Variants in ADAMTSL3 observed in about 807,000 individuals in gnomAD.
ADAMTSL3 encodes ADAMTS like 3, also known as ADAMTS-like protein 3.
ADAMTSL3 carries 128 observed loss-of-function variants against 201.7 expected under a neutral mutation model. The ratio of observed to expected loss-of-function variants is 0.63; its 90% CI spans 0.55 to 0.73. The LOEUF (loss-of-function observed/expected upper bound fraction) is 0.73. Among genes scored for constraint, ADAMTSL3 ranks in the 30% least tolerant of loss-of-function variants. The probability of loss-of-function intolerance (pLI) is 0.00; values close to 1 mark genes in which losing one functional copy is unlikely to be tolerated. For synonymous variants in ADAMTSL3, 738 were observed against 748.4 expected (o/e 0.99, Z 0.23); for missense variants, 1,990 against 2,119.6 (o/e 0.94, Z 1.20).
chr15:83,761,080 T>C (rs28539430), intron 3 of ADAMTSL3, among the ~76,000 whole-genome samples: 7,801 of 152,232 alleles, frequency 0.051, 618 homozygotes, highest in African/African-American at 0.18. Flanking sequence ...ATGTGTTTTC[T>C]TATTATATCT....
At chr15:83,835,492 G>T (rs186055227) in intron 6 of ADAMTSL3, among the ~76,000 whole-genome samples, 1 of 152,196 alleles carries the variant, frequency 6.6e-6, no homozygotes, top group East Asian at 1.9e-4. Context: ...CTGAGATCTT[G>T]CAAGGCCTTA....
At chr15:84,033,040 T>C (rs1452178671) in intron 28 of ADAMTSL3, among the ~76,000 whole-genome samples, 2 of 152,216 alleles carry the variant, frequency 1.3e-5, no homozygotes, top group African/African-American at 4.8e-5. Context: ...ATGTGTACTT[T>C]CCTGATTACT....
intron 7 of ADAMTSL3, among the ~76,000 whole-genome samples, chr15:83,850,094 A>G (rs1484878655): frequency 6.8e-6 from 1 of 148,084 alleles, no homozygotes; most frequent in East Asian, 1.9e-4. Flanking sequence ...CGCTCCAAGG[A>G]AGATTAGAAA....
chr15:83,832,745 T>G (rs2064182566), intron 6 of ADAMTSL3, among the ~76,000 whole-genome samples: 7 of 152,168 alleles, frequency 4.6e-5, no homozygotes, highest in Admixed American at 4.6e-4. Context: ...ATAAGTCTTG[T>G]AAATGTCTGT....
At position 84,021,406 on chromosome 15, in the gene ADAMTSL3, G is replaced by A. The variant is rs891670515; in HGVS notation, c.4274-4G>A. ...TGGCATGATATTTTGTTTTCTTTCT[G>A]CAGAGCCTTTTTGGGAGCCTGGTAA... On this transcript the variant is annotated splice_region_variant and splice_polypyrimidine_tract_variant and intron_variant, in intron 25 of 29. Coordinates refer to ENST00000286744, the MANE Select transcript of ADAMTSL3 (RefSeq NM_207517.3). 3.7e-6 allele frequency: 6 copies of A among 1,613,790 alleles called. No homozygotes were observed. The highest frequency in any genetic ancestry group is 4.2e-6 in the Non-Finnish European group (5 of 1,179,924).
chr15:83,780,572 T>G (rs770604039), intron 4 of ADAMTSL3, among the ~76,000 whole-genome samples: 7 of 152,154 alleles, frequency 4.6e-5, no homozygotes, highest in Non-Finnish European at 7.4e-5. Flanking sequence ...ATGCCCTCTC[T>G]CACTACTCCT....
chr15:83,718,055 A>G (rs1266261767), intron 3 of ADAMTSL3, among the ~76,000 whole-genome samples: 1 of 152,212 alleles, frequency 6.6e-6, no homozygotes, highest in East Asian at 1.9e-4. Flanking sequence ...CTATAGTCCT[A>G]GAATTGAATT....
intron 19 of ADAMTSL3, among the ~76,000 whole-genome samples, chr15:83,949,523 C>T (rs956225265): frequency 6.6e-6 from 1 of 152,026 alleles, no homozygotes. Flanking sequence ...TTGGTATATA[C>T]CTAGGAGTGA....
intron 9 of ADAMTSL3, among the ~76,000 whole-genome samples, chr15:83,875,903 A>ATGC (rs2065168794): frequency 6.6e-6 from 1 of 152,242 alleles, no homozygotes; most frequent in Non-Finnish European, 1.5e-5. Context: ...GGAGAAATGG[A>ATGC]TGCTGGTAGG....
intron 5 of ADAMTSL3, among the ~76,000 whole-genome samples, chr15:83,807,495 G>T (rs1451656495): frequency 6.6e-6 from 1 of 151,924 alleles, no homozygotes; most frequent in Admixed American, 6.6e-5. Flanking sequence ...TAAAGAGGGT[G>T]CAAAAAGAGG....
At position 83,983,319 on chromosome 15, in the gene ADAMTSL3, G is replaced by A. The variant is rs374340300; in HGVS notation, c.3691G>A (p.Gly1231Arg). 45 of 1,540,794 alleles carry A rather than the reference G, an allele frequency of 2.9e-5. No homozygotes were observed. Among genetic ancestry groups the A allele is most frequent in the Non-Finnish European group, 3.7e-5 (42 of 1,145,512 alleles). ...SEATYTWTKDGTLLQPSVKII... is the reference protein window; with the variant it reads ...SEATYTWTKDRTLLQPSVKII... Reference sequence around the variant, plus strand: ...GGCCACATATACATGGACCAAGGATGGAACCTTGTTACAGCCCTCAGTAAA... The same window carrying A: ...GGCCACATATACATGGACCAAGGATAGAACCTTGTTACAGCCCTCAGTAAA... Residue 1231 changes from glycine to arginine, a missense_variant, in exon 21 of 30, where the codon GGA (glycine) becomes AGA (arginine). Coordinates refer to ENST00000286744, the MANE Select transcript of ADAMTSL3 (RefSeq NM_207517.3).
At chr15:83,926,860 A>G (rs1458189972) in intron 17 of ADAMTSL3, among the ~76,000 whole-genome samples, 1 of 152,058 alleles carries the variant, frequency 6.6e-6, no homozygotes, top group Non-Finnish European at 1.5e-5. Context: ...CAGGTGATCC[A>G]CCTGCCTCGG....
At chr15:83,994,642 G>A (rs1297471985) in intron 23 of ADAMTSL3, among the ~76,000 whole-genome samples, 1 of 125,376 alleles carries the variant, frequency 8.0e-6, no homozygotes, top group Non-Finnish European at 1.6e-5. Flanking sequence ...TGTTGCCCAG[G>A]TTGGAGGGCA....
chr15:83,868,589 C>T (rs1339527317), intron 8 of ADAMTSL3, among the ~76,000 whole-genome samples: 2 of 152,200 alleles, frequency 1.3e-5, no homozygotes, highest in Non-Finnish European at 2.9e-5. Context: ...ACCTTTGACT[C>T]TGCTTACCCA....
intron 23 of ADAMTSL3, among the ~76,000 whole-genome samples, chr15:83,999,031 A>G (rs529921687): frequency 6.6e-6 from 1 of 152,362 alleles, no homozygotes; most frequent in East Asian, 1.9e-4. Flanking sequence ...ATAAAAAGTA[A>G]CACATCTCAT....
At chr15:83,733,554 T>A (rs1342173603) in intron 3 of ADAMTSL3, among the ~76,000 whole-genome samples, 1 of 152,126 alleles carries the variant, frequency 6.6e-6, no homozygotes, top group African/African-American at 2.4e-5. Context: ...TCATTTTAAC[T>A]CACCAGAGAA....
At chr15:83,990,283 T>C (rs2067558808) in intron 22 of ADAMTSL3, among the ~76,000 whole-genome samples, 2 of 152,168 alleles carry the variant, frequency 1.3e-5, no homozygotes, top group South Asian at 4.1e-4. Context: ...TTGAATGAGC[T>C]CTGAACCGTG....
intron 19 of ADAMTSL3, among the ~76,000 whole-genome samples, chr15:83,964,031 A>C (rs2067030154): frequency 6.6e-6 from 1 of 152,200 alleles, no homozygotes; most frequent in African/African-American, 2.4e-5. Context: ...AAAGACCATC[A>C]AAGACCAGAG....
At chr15:83,699,645 G>A (rs1162497238) in intron 2 of ADAMTSL3, among the ~76,000 whole-genome samples, 1 of 152,166 alleles carries the variant, frequency 6.6e-6, no homozygotes, top group Non-Finnish European at 1.5e-5. Context: ...AATGTCTTGG[G>A]TGGCTTTTCC....
Sources: allele counts gnomAD v4.1 joint callset (sites outside exome capture counted in the v4.1 genomes callset), GRCh38; gene constraint gnomAD v4.1.1; transcripts MANE v1.5; gene names NCBI Gene and HGNC (gene_info 2026-07-23, HGNC 2026-07-21).